Variants in NCAM1 observed in about 807,000 individuals in gnomAD.
NCAM1 encodes antigen recognized by monoclonal antibody 5.1H11.
NCAM1 carries 14 observed loss-of-function variants against 109.8 expected under a neutral mutation model. That is an observed-to-expected ratio of 0.13 (90% CI 0.08 to 0.20). The LOEUF (loss-of-function observed/expected upper bound fraction) is 0.20, where lower values mean the gene tolerates loss of function less well. NCAM1 is among the 10% of genes least tolerant of loss of function. NCAM1 has a pLI of 1.00. For missense variants in NCAM1, 774 were observed against 1,109.9 expected, an observed-to-expected ratio of 0.70 and a Z score of 4.30; for synonymous variants, 418 against 442.9, an observed-to-expected ratio of 0.94 and a Z score of 0.70.
chr11:113,269,391 T>A (rs1219593363), intron 17 of NCAM1: 2 of 152,446 alleles, frequency 1.3e-5, no homozygotes, highest in African/African-American at 4.8e-5. Flanking sequence ...TGGGCATTTA[T>A]CCTGCGTGTG....
intron 1 of NCAM1, among the ~76,000 whole-genome samples, chr11:112,969,004 G>A (rs782582174): frequency 6.6e-6 from 1 of 152,176 alleles, no homozygotes; most frequent in Non-Finnish European, 1.5e-5. Flanking sequence ...CCTGGAAGGA[G>A]GGGAGACAGA....
In NCAM1 at chr11:113,277,377, G is replaced by GAAC. The variant is rs1264672142; in HGVS notation, c.*1992_*1994dup. ...CTGGGGATGGAAATGGAGGATCCCA[G>GAAC]AACACACAGCCCTGGCCCCTTTGAT... On this transcript the variant is annotated 3_prime_UTR_variant, in exon 20 of 20. Coordinates refer to ENST00000316851, the MANE Select transcript of NCAM1 (RefSeq NM_181351.5). 2 of 399,028 alleles carry GAAC rather than the reference G, an allele frequency of 5.0e-6. No individual in the cohort carries two copies. The highest frequency in any genetic ancestry group is 8.8e-6 in the Non-Finnish European group (2 of 226,160). The allele number at this position is 399,028 out of a possible 1,614,324, so 24.7% of individuals were successfully genotyped here. A position where few individuals can be genotyped will look rare whatever the true frequency, so the allele number is the denominator to read the frequency against.
chr11:113,042,486 C>CA (rs1435418393), intron 1 of NCAM1, among the ~76,000 whole-genome samples: 1 of 152,186 alleles, frequency 6.6e-6, no homozygotes, highest in Non-Finnish European at 1.5e-5. Flanking sequence ...CACTTGTTCC[C>CA]AGTCCCCGAA....
chr11:113,269,862 G>A, intron 17 of NCAM1: 1 of 395,704 alleles, frequency 2.5e-6, no homozygotes, highest in Non-Finnish European at 4.7e-6. Context: ...AAACACAGCA[G>A]CGCCCTCCAA....
Position 113,040,099 on chromosome 11 carries a change from G to A in NCAM1, c.52+78435G>A, listed in dbSNP as rs560102504. ...GGAGGTTGCAGTGAGCCGAGATCGC[G>A]TCACTGCACTCCAGCCTGGGCTACA... On this transcript the variant is annotated intron_variant, in intron 1 of 19. Coordinates refer to ENST00000316851, the MANE Select transcript of NCAM1 (RefSeq NM_181351.5). Among the ~76,000 whole-genome samples the A allele has an allele frequency of 1.2e-4, 18 of 152,252 alleles. No individual in the cohort carries two copies. The South Asian group carries it at 1.5e-3, about 12-fold the overall frequency.
At chr11:113,010,667 G>A (rs1209139795) in intron 1 of NCAM1, among the ~76,000 whole-genome samples, 2 of 152,116 alleles carry the variant, frequency 1.3e-5, no homozygotes, top group Non-Finnish European at 2.9e-5. Flanking sequence ...TACTCAACAG[G>A]AAAAGTCAGT....
At chr11:113,130,763 T>G (rs1555098191) in intron 1 of NCAM1, 1 of 152,200 alleles carries the variant, frequency 6.6e-6, no homozygotes, top group Non-Finnish European at 1.5e-5. Context: ...ACCTGTGGAT[T>G]GGATTAAATG....
chr11:113,224,957 G>A (rs1222794610), intron 9 of NCAM1, among the ~76,000 whole-genome samples: 1 of 152,000 alleles, frequency 6.6e-6, no homozygotes, highest in Non-Finnish European at 1.5e-5. Context: ...AAAGACCAAA[G>A]GTAGATAAAA....
chr11:113,275,461 C>T lies in NCAM1; in HGVS notation c.*74C>T, dbSNP rs1555126386. ...CTTCACCAGAGCATTTCCAACACCA[C>T]AGACACACACACGCACGCACACACA... On this transcript the variant is annotated 3_prime_UTR_variant, in exon 20 of 20. Transcript: ENST00000316851. The T allele has an allele frequency of 1.3e-6, 2 of 1,534,450 alleles. No homozygotes were observed. The highest frequency in any genetic ancestry group is 8.9e-7 in the Non-Finnish European group (1 of 1,128,984).
chr11:113,213,198 C>T (rs1334603349), intron 7 of NCAM1, among the ~76,000 whole-genome samples: 3 of 152,166 alleles, frequency 2.0e-5, no homozygotes, highest in Non-Finnish European at 4.4e-5. Context: ...CACATGTAGT[C>T]TTTCAAAAAC....
At chr11:113,174,725 A>G (rs548733934) in intron 1 of NCAM1, among the ~76,000 whole-genome samples, 29 of 152,320 alleles carry the variant, frequency 1.9e-4, no homozygotes, top group African/African-American at 7.0e-4. Context: ...TCAAGAAATC[A>G]GGCTTCATTA....
intron 1 of NCAM1, among the ~76,000 whole-genome samples, chr11:113,078,663 C>T (rs918509345): frequency 4.6e-5 from 7 of 152,056 alleles, no homozygotes; most frequent in Admixed American, 3.3e-4. Flanking sequence ...CTTCTGGAAG[C>T]GCATTTTAGT....
chr11:112,991,702 A>AT (rs143910440), intron 1 of NCAM1, among the ~76,000 whole-genome samples: 2,371 of 152,270 alleles, frequency 0.016, 23 homozygotes, highest in Non-Finnish European at 0.025. Context: ...AACATTAGTG[A>AT]TTTTGTATTT....
intron 1 of NCAM1, among the ~76,000 whole-genome samples, chr11:113,191,026 T>C (rs1333919956): frequency 1.3e-5 from 2 of 152,208 alleles, no homozygotes; most frequent in East Asian, 1.9e-4. Flanking sequence ...AATTTTATTA[T>C]CAACGTTTTA....
intron 1 of NCAM1, among the ~76,000 whole-genome samples, chr11:113,186,735 G>A (rs1230356083): frequency 6.6e-6 from 1 of 152,230 alleles, no homozygotes; most frequent in African/African-American, 2.4e-5. Context: ...GTTCAGTCTA[G>A]TGTGTCCCAG....
intron 1 of NCAM1, among the ~76,000 whole-genome samples, chr11:113,161,979 A>G (rs1310573257): frequency 6.6e-6 from 1 of 152,164 alleles, no homozygotes; most frequent in Non-Finnish European, 1.5e-5. Context: ...GAAATCTTGC[A>G]TGTGTGCCAG....
intron 17 of NCAM1, chr11:113,262,857 G>A (rs959946417): frequency 6.8e-6 from 11 of 1,613,734 alleles, no homozygotes; most frequent in African/African-American, 2.7e-5. Flanking sequence ...AACCTTGGGA[G>A]GCAATTCTGC....
intron 1 of NCAM1, among the ~76,000 whole-genome samples, chr11:113,122,467 G>A (rs1290621745): frequency 6.6e-6 from 1 of 152,118 alleles, no homozygotes; most frequent in Non-Finnish European, 1.5e-5. Context: ...ATTTTTGGTG[G>A]AACCTCACTT....
chr11:113,094,701 C>T (rs1272691362), intron 1 of NCAM1, among the ~76,000 whole-genome samples: 1 of 152,142 alleles, frequency 6.6e-6, no homozygotes, highest in Non-Finnish European at 1.5e-5. Flanking sequence ...CAGGCCAAGG[C>T]TCTACCAGTC....
Sources: gnomAD v4.1 joint callset for allele counts (sites outside exome capture counted in the v4.1 genomes callset) on GRCh38, gnomAD v4.1.1 for gene constraint, MANE v1.5 for transcripts, NCBI Gene and HGNC (gene_info 2026-07-23, HGNC 2026-07-21) for gene names.